MAP3K14: variants seen among roughly 807,000 people sequenced by gnomAD.
MAP3K14 encodes NF-kappa-beta-inducing kinase.
In MAP3K14, 16 loss-of-function variants were observed where a neutral mutation model predicts 99.2. The observed-to-expected ratio is 0.16, with a 90% CI of 0.11 to 0.24. MAP3K14 has a LOEUF of 0.24. MAP3K14 is among the 10% of genes least tolerant of loss of function. The pLI is 1.00. For missense variants in MAP3K14, 784 were observed against 1,208.7 expected (o/e 0.65, Z 5.21); for synonymous variants, 462 against 492.4 (o/e 0.94, Z 0.82).
chr17:45,276,823 CTTTTT>C (rs35012373), intron 6 of MAP3K14, among the ~76,000 whole-genome samples: 5 of 62,260 alleles, frequency 8.0e-5, no homozygotes, highest in African/African-American at 2.8e-4. Flanking sequence ...TCTTAGACTT[CTTTTT>C]TTTTTTTTTT....
intron 2 of MAP3K14, among the ~76,000 whole-genome samples, chr17:45,289,567 C>T (rs978814696): frequency 3.3e-5 from 5 of 152,156 alleles, no homozygotes; most frequent in Admixed American, 6.5e-5. Flanking sequence ...GATCACAGGG[C>T]GCCCGCCTCA....
At chr17:45,290,850 C>CA (rs1056054702) in intron 1 of MAP3K14, 85 bp from the exon 2 acceptor site, 46 of 1,391,852 alleles carry the variant, frequency 3.3e-5, no homozygotes, top group Non-Finnish European at 4.3e-5. Context: ...GGGAGAAAGG[C>CA]AGGGGCAAAG....
intron 6 of MAP3K14, among the ~76,000 whole-genome samples, chr17:45,278,041 G>A (rs1026981941): frequency 6.6e-6 from 1 of 152,168 alleles, no homozygotes; most frequent in Non-Finnish European, 1.5e-5. Context: ...TTAGGATAAA[G>A]ACTTATTATT....
intron 1 of MAP3K14, among the ~76,000 whole-genome samples, chr17:45,304,446 T>C (rs1332781415): frequency 3.9e-5 from 6 of 152,252 alleles, no homozygotes; most frequent in African/African-American, 1.4e-4. Context: ...TATGTGTACA[T>C]GTAGAAGGAA....
chr17:45,286,777 A>G lies in MAP3K14; in HGVS notation c.806T>C (p.Phe269Ser). The change falls in exon 5 of 16, where the codon TTC (phenylalanine) becomes TCC (serine). Residue 269 changes from phenylalanine to serine, a missense_variant. Physicochemically the swap from Phe to Ser is radical, Grantham distance 155 (BLOSUM62 -2). Transcript: ENST00000344686. The surrounding 1 kb of genome is among the most constrained non-coding windows in gnomAD (Gnocchi z 4.1). ...PYSRLPHPFP[F>S]HPLQPWKPHP... ...AGGTTTCCAGGGCTGGAGAGGGTGGAATGGGAAGGGATGAGGCAGTCTGCT... is the reference window on the plus strand; with the variant it reads ...AGGTTTCCAGGGCTGGAGAGGGTGGGATGGGAAGGGATGAGGCAGTCTGCT... 6.2e-7 allele frequency: 1 copy of G among 1,612,792 alleles called. No individual in the cohort carries two copies. Among genetic ancestry groups the G allele is most frequent in the Non-Finnish European group, 8.5e-7 (1 of 1,179,384 alleles).
At chr17:45,289,146 G>T in intron 3 of MAP3K14, 90 bp downstream of exon 3, 1 of 1,145,666 alleles carries the variant, frequency 8.7e-7, no homozygotes, top group Non-Finnish European at 1.3e-6. Flanking sequence ...GGGAGCCCGG[G>T]GTCAGCAGGA....
At chr17:45,296,185 C>T (rs896269286) in intron 1 of MAP3K14, among the ~76,000 whole-genome samples, 87 of 152,190 alleles carry the variant, frequency 5.7e-4, no homozygotes, top group Non-Finnish European at 4.7e-4. Flanking sequence ...AAGTCTTCAG[C>T]TTGCCTGGCC....
Position 45,273,473 on chromosome 17 carries a change from G to T in MAP3K14, c.1657+30C>A, listed in dbSNP as rs754432836. On this transcript the variant is annotated intron_variant, in intron 9 of 15. Transcript: ENST00000344686. ...AGGCATTTGGCGAATGAATGCATTG[G>T]GGGGCACGGCAGTTGGTGGGGGGCC... 7.8e-6 allele frequency: 12 copies of T among 1,540,218 alleles called. No individual in the cohort carries two copies. In the East Asian group the frequency reaches 2.3e-4, roughly 29 times the overall value.
At chr17:45,271,284 G>A in intron 9 of MAP3K14, 63 bp from the exon 10 acceptor site, 2 of 1,446,132 alleles carry the variant, frequency 1.4e-6, no homozygotes, top group East Asian at 4.7e-5. Flanking sequence ...CTAGGCAATG[G>A]CCACCCTGGT....
Position 45,270,451 on chromosome 17 carries a change from G to A in MAP3K14, c.1934C>T (p.Ala645Val), listed in dbSNP as rs1489324332. The change falls in exon 11 of 16, where the codon GCG becomes GTG. Residue 645 changes from alanine to valine, a missense_variant. This residue lies in a region of MAP3K14 where 200 missense variants were observed against 367.9 expected (regional missense o/e 0.54). Transcript: ENST00000344686. ...CCGGTTCACCTTCCCTCCCAGCTCC[G>A]CTGCAGACACGCGGTGGATGGGCTC... The part of the protein sequence containing the change: ...RKEPIHRVSA[A>V]ELGGKVNRAL... 6.2e-6 allele frequency: 10 copies of A among 1,612,082 alleles called. No individual in the cohort carries two copies. The South Asian group carries it at 6.6e-5, about 11-fold the overall frequency.
chr17:45,304,863 CTG>C (rs947960007), intron 1 of MAP3K14, among the ~76,000 whole-genome samples: 9 of 152,108 alleles, frequency 5.9e-5, no homozygotes, highest in African/African-American at 2.2e-4. Flanking sequence ...GTCACATAAT[CTG>C]AGACTCAGGA....
intron 1 of MAP3K14, among the ~76,000 whole-genome samples, chr17:45,294,251 G>A (rs539345431): frequency 6.6e-6 from 1 of 152,352 alleles, no homozygotes; most frequent in East Asian, 1.9e-4. Context: ...ATCAGAAGAG[G>A]AAAGGAAAGG....
At chr17:45,302,242 GT>G (rs1340418879) in intron 1 of MAP3K14, among the ~76,000 whole-genome samples, 2 of 151,354 alleles carry the variant, frequency 1.3e-5, no homozygotes, top group African/African-American at 4.9e-5. Flanking sequence ...GGGGATCCCC[GT>G]TAACAGTTTC....
At chr17:45,270,728 A>G (rs1567988049) in intron 10 of MAP3K14, 165 bp from the exon 11 acceptor site, 1 of 1,050,428 alleles carries the variant, frequency 9.5e-7, no homozygotes, top group Non-Finnish European at 1.3e-6. Context: ...TTTCCCAGGA[A>G]AGGGACAAAT....
chr17:45,266,355 G>C, intron 14 of MAP3K14, 182 bp downstream of exon 14: 1 of 657,450 alleles, frequency 1.5e-6, no homozygotes, highest in South Asian at 2.2e-5. Flanking sequence ...AAAGGCTCAT[G>C]GGTGATTGGG....
chr17:45,269,372 C>G (rs1046182801), intron 11 of MAP3K14, among the ~76,000 whole-genome samples: 1 of 152,066 alleles, frequency 6.6e-6, no homozygotes, highest in African/African-American at 2.4e-5. Flanking sequence ...ACATCATAAC[C>G]CTTATGATAC....
chr17:45,267,560 T>TGGCTCTGGG lies in MAP3K14; in HGVS notation c.2163_2171dup (p.Pro722_Pro724dup). 6.2e-7 allele frequency: 1 copy of TGGCTCTGGG among 1,613,644 alleles called. No individual in the cohort carries two copies. Among genetic ancestry groups the TGGCTCTGGG allele is most frequent in the South Asian group, 1.1e-5 (1 of 91,064 alleles). ...TCAAAGTCAAGGGAGGAGACTTGTT[T>TGGCTCTGGG]GGCTCTGGGGGCTCTGGTGGGAGAG... On this transcript the variant is annotated inframe_insertion, in exon 12 of 16. Coordinates refer to ENST00000344686, the MANE Select transcript of MAP3K14 (RefSeq NM_003954.5). The surrounding 1 kb of genome is among the most constrained non-coding windows in gnomAD (Gnocchi z 5.1).
rs1040373595 is a variant in MAP3K14 at position 45,267,324 on chromosome 17, C to T, written c.2326+82G>A. The T allele has an allele frequency of 4.1e-6, 6 of 1,462,670 alleles. No homozygotes were observed. Among genetic ancestry groups the T allele is most frequent in the South Asian group, 2.4e-5 (2 of 81,824 alleles). 90.6% of individuals were successfully genotyped at this position (1,462,670 alleles called of 1,614,324 possible). A position where few individuals can be genotyped will look rare whatever the true frequency, so the allele number is the denominator to read the frequency against. On this transcript the variant is annotated intron_variant, in intron 12 of 15. Coordinates refer to ENST00000344686, the MANE Select transcript of MAP3K14 (RefSeq NM_003954.5). This position sits in a 1 kb window ranked among gnomAD's most constrained non-coding sequence, Gnocchi z 5.1. ...GAAGGGGCTGGAAGAAAGCCCACAC[C>T]GCAGGTAAAGAGAAACACCGGCCTC...
Position 45,264,397 on chromosome 17 carries a change from C to T in MAP3K14, c.*239G>A. 1 of 510,704 alleles carries T rather than the reference C, an allele frequency of 2.0e-6. No individual in the cohort carries two copies. The highest frequency in any genetic ancestry group is 3.5e-6 in the Non-Finnish European group (1 of 286,744). The allele number at this position is 510,704 out of a possible 1,614,324, so 31.6% of individuals were successfully genotyped here. A position where few individuals can be genotyped will look rare whatever the true frequency, so the allele number is the denominator to read the frequency against. Reference sequence around the variant, plus strand: ...TGTTTCCCGAGGTAACTCCTGCCATCCTCCTCTGTCTCTTCACGTGGCGGA... The same window carrying T: ...TGTTTCCCGAGGTAACTCCTGCCATTCTCCTCTGTCTCTTCACGTGGCGGA... On this transcript the variant is annotated 3_prime_UTR_variant, in exon 16 of 16. Coordinates refer to ENST00000344686, the MANE Select transcript of MAP3K14 (RefSeq NM_003954.5).
Sources: gnomAD v4.1 joint callset for allele counts (sites outside exome capture counted in the v4.1 genomes callset) on GRCh38, gnomAD v4.1.1 for gene constraint, gnomAD v4.1.1 regional missense constraint, Gnocchi (gnomAD v3.1) non-coding constraint, MANE v1.5 for transcripts, NCBI Gene and HGNC (gene_info 2026-07-23, HGNC 2026-07-21) for gene names.